The following LVRN variants were observed in gnomAD, a reference collection of about 807,000 sequenced individuals.
LVRN encodes aminopeptidase Q.
A neutral mutation model predicts 111.4 loss-of-function variants in LVRN; 99 were observed. The observed-to-expected ratio is 0.89, with a 90% confidence interval of 0.76 to 1.05. LVRN has a LOEUF of 1.05. Ranked by LOEUF, LVRN falls within the 50% of genes least tolerant of loss-of-function variation. The probability of loss-of-function intolerance (pLI) is 0.00; values close to 1 mark genes in which losing one functional copy is unlikely to be tolerated. For synonymous variants in LVRN, 488 were observed against 449.5 expected, an observed-to-expected ratio of 1.09 and a Z score of -1.08; for missense variants, 1,414 against 1,206.8, an observed-to-expected ratio of 1.17 and a Z score of -2.54.
intron 1 of LVRN, among the ~76,000 whole-genome samples, chr5:115,968,440 T>C (rs1334163778): frequency 2.6e-4 from 2 of 7,616 alleles, no homozygotes; most frequent in African/African-American, 6.0e-4. Flanking sequence ...CCCCACCCTT[T>C]TTTTTTTTTT....
At chr5:115,982,798 C>T (rs1747738756) in intron 1 of LVRN, among the ~76,000 whole-genome samples, 1 of 152,096 alleles carries the variant, frequency 6.6e-6, no homozygotes, top group Non-Finnish European at 1.5e-5. Context: ...TGTTTACTCC[C>T]AAGAGTGTCC....
chr5:115,969,653 A>T (rs1753280016), intron 1 of LVRN, among the ~76,000 whole-genome samples: 1 of 152,062 alleles, frequency 6.6e-6, no homozygotes, highest in Admixed American at 6.5e-5. Context: ...AAAAAAAATT[A>T]TCCAGGTGTG....
Position 115,962,669 on chromosome 5 carries a change from C to A in LVRN, c.52C>A (p.Leu18Met). 1 of 1,610,274 alleles carries A rather than the reference C, an allele frequency of 6.2e-7. No individual in the cohort carries two copies. The highest frequency in any genetic ancestry group is 8.5e-7 in the Non-Finnish European group (1 of 1,179,526). The change falls in exon 1 of 20, where the codon CTG becomes ATG. Residue 18 changes from leucine (L) to methionine (M), a missense_variant. Transcript: ENST00000357872. ...GFYVSRAVAL[L>M]LAGLVAALLL... ...CTATGTGAGCCGCGCAGTGGCCCTG[C>A]TGCTGGCTGGGCTGGTAGCCGCCCT...
chr5:115,999,739 T>C, intron 6 of LVRN, 23 bp from the exon 7 acceptor site: 3 of 1,611,344 alleles, frequency 1.9e-6, no homozygotes, highest in Non-Finnish European at 2.5e-6. Context: ...GGAGTTAATG[T>C]GCCTCCATCT....
At chr5:116,014,638 C>G (rs569793896) in intron 16 of LVRN, 111 bp downstream of exon 16, 1 of 811,734 alleles carries the variant, frequency 1.2e-6, no homozygotes, top group East Asian at 2.6e-5. Context: ...CTTGGTTAGG[C>G]GCTCTCTCCT....
intron 1 of LVRN, among the ~76,000 whole-genome samples, chr5:115,969,407 A>G (rs1753273613): frequency 1.3e-5 from 2 of 151,272 alleles, no homozygotes; most frequent in South Asian, 4.2e-4. Context: ...TTCATTTTGG[A>G]TAGTTCCCAT....
rs368452446 is a variant in LVRN at position 116,004,064 on chromosome 5, G to C, written c.2037+684G>C. 1.6e-4 allele frequency among the ~76,000 whole-genome samples: 24 copies of C among 152,244 alleles called. 1 individual carries two copies. The East Asian group carries it at 1.9e-3, about 12-fold the overall frequency. Reference sequence around the variant, plus strand: ...TATATTTTATTCATCATGAGGATTAGAGATCATGTAAGTGAAAGTATACTT... The same window carrying C: ...TATATTTTATTCATCATGAGGATTACAGATCATGTAAGTGAAAGTATACTT... On this transcript the variant is annotated intron_variant, in intron 12 of 19. Coordinates refer to ENST00000357872, the MANE Select transcript of LVRN (RefSeq NM_173800.5).
chr5:116,007,998 T>G (rs1278015482), intron 13 of LVRN, among the ~76,000 whole-genome samples: 1 of 152,162 alleles, frequency 6.6e-6, no homozygotes, highest in Non-Finnish European at 1.5e-5. Context: ...CAGCCATTCC[T>G]CCATCTCTCT....
chr5:116,001,483 G>C (rs1409791444), intron 10 of LVRN, among the ~76,000 whole-genome samples: 2 of 152,188 alleles, frequency 1.3e-5, no homozygotes, highest in Non-Finnish European at 1.5e-5. Context: ...CAAGCTGTGG[G>C]CTATTGTGTG....
At chr5:116,013,250 A>G (rs945915197) in intron 15 of LVRN, among the ~76,000 whole-genome samples, 4 of 152,202 alleles carry the variant, frequency 2.6e-5, no homozygotes, top group Non-Finnish European at 5.9e-5. Context: ...CAGAAATTTT[A>G]GTGCTAAGGG....
At chr5:116,012,311 A>G in intron 14 of LVRN, 63 bp from the exon 15 acceptor site, 1 of 863,286 alleles carries the variant, frequency 1.2e-6, no homozygotes. Flanking sequence ...ATAAATAGAA[A>G]CACAGTGAAA....
At position 115,963,074 on chromosome 5, in the gene LVRN, T is replaced by G. The variant is rs945211259; in HGVS notation, c.457T>G (p.Cys153Gly). Reference sequence around the variant, plus strand: ...GCTGCTGCATAGCCTCTTCCAGGACTGCGAGCGCGCCGAGGTGCGGGGACC... The same window carrying G: ...GCTGCTGCATAGCCTCTTCCAGGACGGCGAGCGCGCCGAGGTGCGGGGACC... ...RLLLHSLFQD[C>G]ERAEVRGPLS... The change falls in exon 1 of 20, where the codon TGC (cysteine) becomes GGC (glycine). Residue 153 changes from cysteine to glycine, a missense_variant. Coordinates refer to ENST00000357872, the MANE Select transcript of LVRN (RefSeq NM_173800.5). The G allele has an allele frequency of 3.1e-6, 5 of 1,613,574 alleles. No homozygotes were observed. In the African/African-American group the frequency reaches 4.0e-5, roughly 13 times the overall value.
At chr5:115,966,132 G>A (rs923019703) in intron 1 of LVRN, among the ~76,000 whole-genome samples, 5 of 152,024 alleles carry the variant, frequency 3.3e-5, no homozygotes, top group South Asian at 2.1e-4. Context: ...TATCATATGC[G>A]TACATTTGCG....
Position 116,026,451 on chromosome 5 carries a change from A to G in LVRN, c.*333A>G, listed in dbSNP as rs1508886. 0.53 allele frequency: 174,326 copies of G among 326,524 alleles called. 48,771 individuals are homozygous for G. Among genetic ancestry groups the G allele is most frequent in the East Asian group, 0.77 (9,105 of 11,780 alleles). The allele number at this position is 326,524 out of a possible 1,614,324, so 20.2% of individuals were successfully genotyped here. The stretch of plus-strand genomic sequence containing the variant: ...TTGCGAAGGCCAGTGGAATATAAAA[A>G]TCAATGGCATTAATGAGGAGCACAT... On this transcript the variant is annotated 3_prime_UTR_variant, in exon 20 of 20. Transcript: ENST00000357872.
chr5:115,999,964 T>C (rs1748202623), intron 7 of LVRN, 62 bp downstream of exon 7: 2 of 1,521,022 alleles, frequency 1.3e-6, no homozygotes, highest in Non-Finnish European at 1.8e-6. Context: ...ATAAAATGGA[T>C]TCTAAGGGTC....
rs190479740 is a variant in LVRN at position 115,984,471 on chromosome 5, G to A, written c.839-99G>A. The A allele has an allele frequency of 1.3e-5, 18 of 1,398,170 alleles. No individual in the cohort carries two copies. The African/African-American group carries it at 2.0e-4, about 16-fold the overall frequency. The allele number at this position is 1,398,170 out of a possible 1,614,324, so 86.6% of individuals were successfully genotyped here. A position where few individuals can be genotyped will look rare whatever the true frequency, so the allele number is the denominator to read the frequency against. On this transcript the variant is annotated intron_variant, in intron 2 of 19. Coordinates refer to ENST00000357872, the MANE Select transcript of LVRN (RefSeq NM_173800.5). ...AACTGCTAGACTATGAGGAATAGCT[G>A]GAAAGGAGTAGCTGGGTGACAATTG... is the stretch of plus-strand genomic sequence containing the variant.
intron 18 of LVRN, among the ~76,000 whole-genome samples, chr5:116,018,520 A>G (rs1383958512): frequency 6.6e-6 from 1 of 151,922 alleles, no homozygotes; most frequent in Non-Finnish European, 1.5e-5. Flanking sequence ...TAAAAATACA[A>G]AAGTAGCCAG....
intron 1 of LVRN, among the ~76,000 whole-genome samples, chr5:115,977,004 C>T (rs539937635): frequency 2.6e-5 from 4 of 152,306 alleles, no homozygotes; most frequent in African/African-American, 9.6e-5. Flanking sequence ...TCTATATATT[C>T]TGAAGATTTC....
In LVRN at chr5:116,026,114, CAT is replaced by C. The variant is rs750038778; in HGVS notation, c.2971_2972del (p.Ter991AlafsTer15). On this transcript the variant is annotated frameshift_variant and stop_lost, in exon 20 of 20. Coordinates refer to ENST00000357872, the MANE Select transcript of LVRN (RefSeq NM_173800.5). LOFTEE classifies it high-confidence loss of function. The stretch of plus-strand genomic sequence containing the variant: ...ATAGCTGCGTGGCTAAGGAGAAACA[CAT>C]AGCTTGTGGCTATCTTTCAGCACTC... 3 of 1,613,720 alleles carry C rather than the reference CAT, an allele frequency of 1.9e-6. No individual in the cohort carries two copies. The highest frequency in any genetic ancestry group is 1.7e-6 in the Non-Finnish European group (2 of 1,179,766).
Sources: allele counts gnomAD v4.1 joint callset (sites outside exome capture counted in the v4.1 genomes callset), GRCh38; gene constraint gnomAD v4.1.1; transcripts MANE v1.5; gene names NCBI Gene and HGNC (gene_info 2026-07-23, HGNC 2026-07-21).